Variants in EIF4E1B observed in about 807,000 individuals in gnomAD.
EIF4E1B encodes the protein eukaryotic translation initiation factor 4E type 1B.
A neutral mutation model predicts 31.3 loss-of-function variants in EIF4E1B; 22 were observed. That is an observed-to-expected ratio of 0.70 (90% CI 0.50 to 1.00). The LOEUF is 1.00. Among genes scored for constraint, EIF4E1B ranks in the 50% least tolerant of loss-of-function variants. EIF4E1B has a pLI of 0.00. For synonymous variants in EIF4E1B, 126 were observed against 120.2 expected, an observed-to-expected ratio of 1.05 and a Z score of -0.31; for missense variants, 290 against 311.6, an observed-to-expected ratio of 0.93 and a Z score of 0.52.
chr5:176,645,427 T>TG lies in EIF4E1B; in HGVS notation c.529dup (p.Ala177GlyfsTer99). On this transcript the variant is annotated frameshift_variant, in exon 8 of 9. Transcript: ENST00000318682. LOFTEE classifies it high-confidence loss of function. The surrounding 1 kb of genome is among the most constrained non-coding windows in gnomAD (Gnocchi z 5.4). ...TTGAGGAACACAGCAGAGAGGTATG[T>TG]GGGGCCGTCGTCAACATCCGCACCA... is the stretch of plus-strand genomic sequence containing the variant. 4.0e-6 allele frequency: 6 copies of TG among 1,516,196 alleles called. No homozygotes were observed. Among genetic ancestry groups the TG allele is most frequent in the Non-Finnish European group, 5.3e-6 (6 of 1,131,780 alleles). 93.9% of individuals were successfully genotyped at this position (1,516,196 alleles called of 1,614,324 possible). A position where few individuals can be genotyped will look rare whatever the true frequency, so the allele number is the denominator to read the frequency against.
chr5:176,636,060 G>A (rs1760487780), intron 1 of EIF4E1B, among the ~76,000 whole-genome samples: 1 of 152,116 alleles, frequency 6.6e-6, no homozygotes, highest in South Asian at 2.1e-4. Context: ...CAGGTGATCT[G>A]CCCGCCTCAG....
chr5:176,640,755 G>A (rs917234389), intron 1 of EIF4E1B, among the ~76,000 whole-genome samples: 3 of 152,152 alleles, frequency 2.0e-5, no homozygotes, highest in Non-Finnish European at 4.4e-5. Context: ...CTGCCCCTAG[G>A]ATCAGGCTTA....
At chr5:176,644,310 G>A (rs1176651771) in intron 5 of EIF4E1B, 66 bp from the exon 6 acceptor site, 3 of 1,513,452 alleles carry the variant, frequency 2.0e-6, no homozygotes, top group Non-Finnish European at 1.8e-6. Context: ...TGGGAGGGCT[G>A]AACCCAGTTG....
At position 176,646,265 on chromosome 5, in the gene EIF4E1B, A is replaced by G. The variant is rs1226490937; in HGVS notation, c.*285A>G. On this transcript the variant is annotated 3_prime_UTR_variant, in exon 9 of 9. Transcript: ENST00000318682. ...AGTCATGGCGGGGAAGGAGGGCTCTATGGTAGGCGGAGAAACCCATAGTCC... is the reference window on the plus strand; with the variant it reads ...AGTCATGGCGGGGAAGGAGGGCTCTGTGGTAGGCGGAGAAACCCATAGTCC... The G allele has an allele frequency of 5.4e-6, 2 of 371,570 alleles. No individual in the cohort carries two copies. Among genetic ancestry groups the G allele is most frequent in the African/African-American group, 2.0e-5 (1 of 49,760 alleles). 23.0% of individuals were successfully genotyped at this position (371,570 alleles called of 1,614,324 possible).
At chr5:176,633,133 G>C (rs1048761820) in intron 1 of EIF4E1B, among the ~76,000 whole-genome samples, 12 of 152,206 alleles carry the variant, frequency 7.9e-5, no homozygotes, top group Non-Finnish European at 1.2e-4. Flanking sequence ...AGTGGGATTT[G>C]GGGCATCATT....
At chr5:176,631,824 G>A (rs1396878751) in intron 1 of EIF4E1B, among the ~76,000 whole-genome samples, 1 of 152,152 alleles carries the variant, frequency 6.6e-6, no homozygotes, top group Non-Finnish European at 1.5e-5. Context: ...GATCCCGTGC[G>A]ACTCTAGCCA....
intron 1 of EIF4E1B, among the ~76,000 whole-genome samples, chr5:176,633,233 G>A (rs1268252582): frequency 2.0e-5 from 3 of 150,998 alleles, no homozygotes; most frequent in Non-Finnish European, 3.0e-5. Context: ...TTGTTTGTTT[G>A]TTTGTTTGTT....
In EIF4E1B at chr5:176,640,325, C is replaced by G. The variant is rs1016203504; in HGVS notation, c.-201-1718C>G. Among the ~76,000 whole-genome samples, 8 of 152,226 alleles carry G rather than the reference C, an allele frequency of 5.3e-5. No individual in the cohort carries two copies. In the East Asian group the frequency reaches 1.3e-3, roughly 26 times the overall value. ...CTCCAGCCCCAACCTGTAAGCCACC[C>G]TAGCTGACCTCCCTTTGAAGGAGAG... On this transcript the variant is annotated intron_variant, in intron 1 of 8. Coordinates refer to ENST00000318682, the MANE Select transcript of EIF4E1B (RefSeq NM_001099408.2).
At chr5:176,635,569 G>A (rs1358358865) in intron 1 of EIF4E1B, among the ~76,000 whole-genome samples, 1 of 152,222 alleles carries the variant, frequency 6.6e-6, no homozygotes, top group African/African-American at 2.4e-5. Context: ...CAGAAGCTTA[G>A]GCAAAGCAGG....
chr5:176,646,272 G>T lies in EIF4E1B; in HGVS notation c.*292G>T. ...GCGGGGAAGGAGGGCTCTATGGTAG[G>T]CGGAGAAACCCATAGTCCAGCGTTT... On this transcript the variant is annotated 3_prime_UTR_variant, in exon 9 of 9. Transcript: ENST00000318682. The T allele has an allele frequency of 2.8e-6, 1 of 356,272 alleles. No homozygotes were observed. The highest frequency in any genetic ancestry group is 5.3e-6 in the Non-Finnish European group (1 of 189,466). The allele number at this position is 356,272 out of a possible 1,614,324, so 22.1% of individuals were successfully genotyped here.
Position 176,645,940 on chromosome 5 carries a change from C to T in EIF4E1B, c.689C>T (p.Thr230Ile), listed in dbSNP as rs1281293464. The change falls in exon 9 of 9, where the codon ACC becomes ATC. Residue 230 changes from threonine (T) to isoleucine (I), a missense_variant. Physicochemically the swap from Thr to Ile is moderately conservative, Grantham distance 89. Coordinates refer to ENST00000318682, the MANE Select transcript of EIF4E1B (RefSeq NM_001099408.2). The surrounding 1 kb of genome is among the most constrained non-coding windows in gnomAD (Gnocchi z 5.4). ...TACCAGGCCCATGCAGACACAGCCA[C>T]CAAGAGCAACTCCCTAGCCAAGAAC... ...IGYQAHADTATKSNSLAKNKF... is the reference protein window; with the variant it reads ...IGYQAHADTAIKSNSLAKNKF... The T allele has an allele frequency of 2.5e-6, 4 of 1,610,448 alleles. No individual in the cohort carries two copies. The highest frequency in any genetic ancestry group is 3.4e-5 in the Admixed American group (2 of 59,594).
chr5:176,644,225 A>G (rs1004680261), intron 5 of EIF4E1B, 151 bp from the exon 6 acceptor site: 3 of 771,340 alleles, frequency 3.9e-6, no homozygotes, highest in Non-Finnish European at 6.2e-6. Flanking sequence ...GAGAGTTTGG[A>G]TAAACGGGAG....
intron 1 of EIF4E1B, among the ~76,000 whole-genome samples, chr5:176,640,798 C>T (rs1037566002): frequency 3.9e-5 from 6 of 152,278 alleles, no homozygotes; most frequent in Non-Finnish European, 5.9e-5. Flanking sequence ...TTCGCCCACA[C>T]TGGCCTGTCT....
At position 176,638,176 on chromosome 5, in the gene EIF4E1B, C is replaced by G. The variant is rs1306450939; in HGVS notation, c.-201-3867C>G. Among the ~76,000 whole-genome samples, 1 of 152,150 alleles carries G rather than the reference C, an allele frequency of 6.6e-6. No individual in the cohort carries two copies. Among genetic ancestry groups the G allele is most frequent in the Non-Finnish European group, 1.5e-5 (1 of 68,016 alleles). On this transcript the variant is annotated intron_variant, in intron 1 of 8. Transcript: ENST00000318682. The surrounding 1 kb of genome is among the most constrained non-coding windows in gnomAD (Gnocchi z 4.3). ...ATGCATAGTAGATACCCAGATGGAGCTGTCGGGCGGGCAGTTGGATATGCT... is the reference window on the plus strand; with the variant it reads ...ATGCATAGTAGATACCCAGATGGAGGTGTCGGGCGGGCAGTTGGATATGCT...
Position 176,638,230 on chromosome 5 carries a change from T to C in EIF4E1B, c.-201-3813T>C, listed in dbSNP as rs1760526413. ...CTGGATTTCTGGTGGCGGCTAAGCA[T>C]GTCACTCTCTAAATGACATTTAATG... is the stretch of plus-strand genomic sequence containing the variant. On this transcript the variant is annotated intron_variant, in intron 1 of 8. Transcript: ENST00000318682. This position sits in a 1 kb window ranked among gnomAD's most constrained non-coding sequence, Gnocchi z 4.3. 6.6e-6 allele frequency among the ~76,000 whole-genome samples: 1 copy of C among 152,168 alleles called. No individual in the cohort carries two copies. The highest frequency in any genetic ancestry group is 2.4e-5 in the African/African-American group (1 of 41,424).
rs1409800676 is a variant in EIF4E1B, at chr5:176,646,551, A to G, written c.*571A>G. On this transcript the variant is annotated 3_prime_UTR_variant, in exon 9 of 9. Transcript: ENST00000318682. ...GAGGGATGCTGGGCTAGGCCTCACC[A>G]AGGTTCTGGTAGAAGTGGTGGAAGT... 2 of 152,480 alleles carry G rather than the reference A, an allele frequency of 1.3e-5. No individual in the cohort carries two copies. Among genetic ancestry groups the G allele is most frequent in the Admixed American group, 6.5e-5 (1 of 15,320 alleles). 9.4% of individuals were successfully genotyped at this position (152,480 alleles called of 1,614,324 possible). A position where few individuals can be genotyped will look rare whatever the true frequency, so the allele number is the denominator to read the frequency against.
rs557855647 is a variant in EIF4E1B, at chr5:176,630,959, T to G, written c.-307T>G. The G allele has an allele frequency of 6.6e-6, 1 of 152,638 alleles. No homozygotes were observed. Among genetic ancestry groups the G allele is most frequent in the African/African-American group, 2.4e-5 (1 of 41,572 alleles). The allele number at this position is 152,638 out of a possible 1,614,324, so 9.5% of individuals were successfully genotyped here. A position where few individuals can be genotyped will look rare whatever the true frequency, so the allele number is the denominator to read the frequency against. On this transcript the variant is annotated 5_prime_UTR_variant, in exon 1 of 9. Coordinates refer to ENST00000318682, the MANE Select transcript of EIF4E1B (RefSeq NM_001099408.2). Reference sequence around the variant, plus strand: ...AACAAGGTTCCTGGTCTCGGGAAGCTTACCATGGGGGTGTCTGTACGCGTG... The same window carrying G: ...AACAAGGTTCCTGGTCTCGGGAAGCGTACCATGGGGGTGTCTGTACGCGTG...
Position 176,643,331 on chromosome 5 carries a change from G to A in EIF4E1B, c.200+65G>A, listed in dbSNP as rs1561910740. The A allele has an allele frequency of 4.0e-5, 60 of 1,512,140 alleles. No homozygotes were observed. In the South Asian group the frequency reaches 4.5e-4, roughly 11 times the overall value. The allele number at this position is 1,512,140 out of a possible 1,614,324, so 93.7% of individuals were successfully genotyped here. ...TCAGGCCAGCCTCTGTGCTGGCAGC[G>A]TGGCCTTGGGCAACCCCGCCTCTCT... On this transcript the variant is annotated intron_variant, in intron 4 of 8. Coordinates refer to ENST00000318682, the MANE Select transcript of EIF4E1B (RefSeq NM_001099408.2).
Position 176,646,118 on chromosome 5 carries a change from A to G in EIF4E1B, c.*138A>G. 2.7e-6 allele frequency: 2 copies of G among 738,024 alleles called. No individual in the cohort carries two copies. Among genetic ancestry groups the G allele is most frequent in the Non-Finnish European group, 4.5e-6 (2 of 443,398 alleles). 45.7% of individuals were successfully genotyped at this position (738,024 alleles called of 1,614,324 possible). A position where few individuals can be genotyped will look rare whatever the true frequency, so the allele number is the denominator to read the frequency against. ...GTGAACAGGAATGCAAACACTCTTT[A>G]ACATGAGTTGGGGCCTGAGCCTTAG... On this transcript the variant is annotated 3_prime_UTR_variant, in exon 9 of 9. Coordinates refer to ENST00000318682, the MANE Select transcript of EIF4E1B (RefSeq NM_001099408.2).
Sources: gnomAD v4.1 joint callset for allele counts (sites outside exome capture counted in the v4.1 genomes callset) on GRCh38, gnomAD v4.1.1 for gene constraint, Gnocchi (gnomAD v3.1) non-coding constraint, MANE v1.5 for transcripts, NCBI Gene and HGNC (gene_info 2026-07-23, HGNC 2026-07-21) for gene names.